Variants in PWWP3A observed in about 807,000 individuals in gnomAD.
PWWP3A encodes the protein PWWP domain-containing DNA repair factor 3A.
A neutral mutation model predicts 79.0 loss-of-function variants in PWWP3A; 53 were observed. The ratio of observed to expected loss-of-function variants is 0.67; its 90% CI spans 0.54 to 0.84. The LOEUF is 0.84. Among genes scored for constraint, PWWP3A ranks in the 40% least tolerant of loss-of-function variants. The probability of loss-of-function intolerance (pLI) is 0.00; values close to 1 mark genes in which losing one functional copy is unlikely to be tolerated. For missense variants in PWWP3A, 973 were observed against 948.0 expected, an observed-to-expected ratio of 1.03 and a Z score of -0.35; for synonymous variants, 443 against 394.4, an observed-to-expected ratio of 1.12 and a Z score of -1.46.
At chr19:1,359,680 T>C (rs1380301164) in intron 4 of PWWP3A, 1 of 153,156 alleles carries the variant, frequency 6.5e-6, no homozygotes, top group Non-Finnish European at 1.5e-5. Context: ...ACAATGAGTC[T>C]TTTAAATCTC....
intron 12 of PWWP3A, chr19:1,371,297 T>A (rs1474171524): frequency 1.4e-6 from 1 of 716,354 alleles, no homozygotes; most frequent in Admixed American, 2.0e-5. Context: ...ACTTGACCCC[T>A]GTGCAGAGAT....
chr19:1,371,086 GC>G lies in PWWP3A; in HGVS notation c.1986+9del. ...GACGTGCTTCTGCCCGAGGTGAGCC[GC>G]GGACCGGCGTGTCACGTGGGCAGGG... On this transcript the variant is annotated intron_variant, in intron 12 of 13. Coordinates refer to ENST00000591337, the MANE Select transcript of PWWP3A (RefSeq NM_001369789.1). The G allele has an allele frequency of 1.3e-6, 2 of 1,554,482 alleles. No homozygotes were observed. The highest frequency in any genetic ancestry group is 1.7e-6 in the Non-Finnish European group (2 of 1,148,674).
chr19:1,363,703 C>T (rs1303719778), intron 6 of PWWP3A, among the ~76,000 whole-genome samples: 2 of 152,192 alleles, frequency 1.3e-5, no homozygotes, highest in Non-Finnish European at 2.9e-5. Flanking sequence ...TGTTTGTCCA[C>T]GTGGGCCTGG....
In PWWP3A at chr19:1,377,516, A is replaced by T. The variant is rs1442838269; in HGVS notation, c.*940A>T. On this transcript the variant is annotated 3_prime_UTR_variant, in exon 14 of 14. Transcript: ENST00000591337. ...GCCCAACCGCGCTCCCGTCTGGAGA[A>T]GCGGCTTCCGGGGTGTGGCTGCCGG... 6.6e-6 allele frequency: 1 copy of T among 152,346 alleles called. No individual in the cohort carries two copies. Among genetic ancestry groups the T allele is most frequent in the Non-Finnish European group, 1.5e-5 (1 of 68,162 alleles). 9.4% of individuals were successfully genotyped at this position (152,346 alleles called of 1,614,324 possible).
intron 7 of PWWP3A, among the ~76,000 whole-genome samples, chr19:1,366,083 A>G (rs1404645236): frequency 2.6e-5 from 4 of 152,232 alleles, no homozygotes; most frequent in African/African-American, 7.2e-5. Flanking sequence ...CAAAAACCCA[A>G]ACAAAACTGG....
intron 8 of PWWP3A, among the ~76,000 whole-genome samples, chr19:1,366,832 C>T (rs1264419675): frequency 6.6e-6 from 1 of 152,256 alleles, no homozygotes; most frequent in African/African-American, 2.4e-5. Flanking sequence ...AGAACCATCG[C>T]ATTGCATATC....
intron 12 of PWWP3A, 185 bp downstream of exon 12, chr19:1,371,263 C>T: frequency 2.6e-6 from 2 of 763,112 alleles, no homozygotes; most frequent in Non-Finnish European, 4.5e-6. Context: ...GTGCGCTTGA[C>T]CCTGTGCGGA....
chr19:1,359,230 T>C (rs184086843), intron 4 of PWWP3A: 257 of 154,030 alleles, frequency 1.7e-3, no homozygotes, highest in Middle Eastern at 3.4e-3. Context: ...TTATCCCATT[T>C]GCAAATAATT....
At position 1,369,435 on chromosome 19, in the gene PWWP3A, G is replaced by C; in HGVS notation, c.1498+95G>C. ...GCTGGGCCGGAGCTGCCTGGAGGCG[G>C]GGCATATTTCCGTGGGCCTGGGGCA... On this transcript the variant is annotated intron_variant, in intron 10 of 13. Coordinates refer to ENST00000591337, the MANE Select transcript of PWWP3A (RefSeq NM_001369789.1). This position sits in a 1 kb window ranked among gnomAD's most constrained non-coding sequence, Gnocchi z 4.0. The C allele has an allele frequency of 6.6e-7, 1 of 1,516,756 alleles. No individual in the cohort carries two copies. Among genetic ancestry groups the C allele is most frequent in the Non-Finnish European group, 9.1e-7 (1 of 1,095,098 alleles). The allele number at this position is 1,516,756 out of a possible 1,614,324, so 94.0% of individuals were successfully genotyped here.
In PWWP3A at chr19:1,360,157, C is replaced by T. The variant is rs375763919; in HGVS notation, c.236C>T (p.Ala79Val). ...GCAGCCTCACAGAATGAGGTTCCTG[C>T]GGCACCCCTGGAAGAACTGGCCTAC... ...SSLASQNEVP[A>V]APLEELAYRR... The change falls in exon 5 of 14, where the codon GCG becomes GTG. Residue 79 changes from alanine to valine, a missense_variant. Coordinates refer to ENST00000591337, the MANE Select transcript of PWWP3A (RefSeq NM_001369789.1). The surrounding 1 kb of genome is among the most constrained non-coding windows in gnomAD (Gnocchi z 4.4). 148 of 1,567,806 alleles carry T rather than the reference C, an allele frequency of 9.4e-5. No individual in the cohort carries two copies. Among genetic ancestry groups the T allele is most frequent in the Middle Eastern group, 8.6e-4 (5 of 5,814 alleles).
intron 13 of PWWP3A, among the ~76,000 whole-genome samples, chr19:1,375,958 C>T (rs1019000421): frequency 6.6e-6 from 1 of 150,510 alleles, no homozygotes; most frequent in African/African-American, 2.5e-5. Context: ...TGCAGGTGCC[C>T]ACTACCACGC....
chr19:1,374,959 G>A (rs964178614), intron 13 of PWWP3A, among the ~76,000 whole-genome samples: 2 of 151,660 alleles, frequency 1.3e-5, no homozygotes, highest in African/African-American at 2.4e-5. Context: ...GGTTGCTCAC[G>A]CCCATAATCC....
rs893817269 is a variant in PWWP3A at position 1,368,586 on chromosome 19, TC to T, written c.1423-676del. ...CTAGTGGCCCTCGGCTCCAGAGTCT[TC>T]CCTGGGTCATTGTGTGATGGTCGTG... On this transcript the variant is annotated intron_variant, in intron 9 of 13. Coordinates refer to ENST00000591337, the MANE Select transcript of PWWP3A (RefSeq NM_001369789.1). The surrounding 1 kb of genome is among the most constrained non-coding windows in gnomAD (Gnocchi z 4.7). 1.6e-4 allele frequency among the ~76,000 whole-genome samples: 24 copies of T among 152,286 alleles called. No homozygotes were observed. The highest frequency in any genetic ancestry group is 5.5e-4 in the African/African-American group (23 of 41,568).
chr19:1,373,265 C>T (rs2082300581), intron 13 of PWWP3A, 105 bp downstream of exon 13: 3 of 990,242 alleles, frequency 3.0e-6, no homozygotes, highest in African/African-American at 1.6e-5. Context: ...AGCCCCTCTC[C>T]CTCATGAGGT....
At chr19:1,371,129 A>T in intron 12 of PWWP3A, 51 bp downstream of exon 12, 2 of 1,540,956 alleles carry the variant, frequency 1.3e-6, no homozygotes, top group Non-Finnish European at 1.8e-6. Flanking sequence ...CTGCGCTGGG[A>T]TTTTGCAACT....
At chr19:1,373,467 T>C in intron 13 of PWWP3A, 1 of 395,194 alleles carries the variant, frequency 2.5e-6, no homozygotes. Flanking sequence ...TTTTGCACTT[T>C]CCTCCCCTCT....
intron 7 of PWWP3A, among the ~76,000 whole-genome samples, chr19:1,364,843 G>T (rs2082094789): frequency 6.6e-6 from 1 of 152,212 alleles, no homozygotes; most frequent in Non-Finnish European, 1.5e-5. Flanking sequence ...TTGCGGCCGG[G>T]TGCAGTGGTT....
At chr19:1,373,433 T>G in intron 13 of PWWP3A, 2 of 485,578 alleles carry the variant, frequency 4.1e-6, no homozygotes, top group Non-Finnish European at 7.4e-6. Flanking sequence ...TCTTAATCTC[T>G]TTTTGCAGGG....
In PWWP3A at chr19:1,360,270, C is replaced by A. The variant is rs189340337; in HGVS notation, c.349C>A (p.Arg117=). The stretch of plus-strand genomic sequence containing the variant: ...CTCTGCAGGGACAGGTAGAGCTGAC[C>A]GGTCTCTGCGAGGGAAGCCCATGGA... ...ESSAGTGRAD[R]SLRGKPMEHV... Residue 117 remains arginine (R), a synonymous_variant, in exon 5 of 14, where the codon CGG becomes AGG. Transcript: ENST00000591337. The surrounding 1 kb of genome is among the most constrained non-coding windows in gnomAD (Gnocchi z 4.4). 3.1e-6 allele frequency: 5 copies of A among 1,614,048 alleles called. No homozygotes were observed. Among genetic ancestry groups the A allele is most frequent in the Admixed American group, 3.3e-5 (2 of 60,002 alleles).
Sources: allele counts gnomAD v4.1 joint callset (sites outside exome capture counted in the v4.1 genomes callset), GRCh38; gene constraint gnomAD v4.1.1; non-coding constraint Gnocchi (gnomAD v3.1); transcripts MANE v1.5; gene names NCBI Gene and HGNC (gene_info 2026-07-23, HGNC 2026-07-21).